ARMH3: variants seen among roughly 807,000 people sequenced by gnomAD.
ARMH3 encodes armadillo-like helical domain-containing protein 3.
In ARMH3, 60 loss-of-function variants were observed where a neutral mutation model predicts 99.1. The ratio of observed to expected loss-of-function variants is 0.61; its 90% CI spans 0.49 to 0.75. The LOEUF is 0.75. ARMH3 is among the 30% of genes least tolerant of loss of function. The pLI, the probability that ARMH3 is intolerant of heterozygous loss-of-function variation, is 0.00. For missense variants in ARMH3, 679 were observed against 843.1 expected, an observed-to-expected ratio of 0.81 and a Z score of 2.41; for synonymous variants, 285 against 292.8, an observed-to-expected ratio of 0.97 and a Z score of 0.27.
intron 24 of ARMH3, among the ~76,000 whole-genome samples, chr10:101,869,482 T>C (rs764504026): frequency 2.6e-5 from 4 of 151,958 alleles, no homozygotes; most frequent in Admixed American, 6.6e-5. Context: ...CCCCAAATAA[T>C]GGAAATGAAA....
rs2066424028 is a variant in ARMH3, at chr10:102,003,827, T to C, written c.1049-1755A>G. Among the ~76,000 whole-genome samples the C allele has an allele frequency of 2.0e-5, 3 of 152,222 alleles. No individual in the cohort carries two copies. In the South Asian group the frequency reaches 6.2e-4, roughly 31 times the overall value. On this transcript the variant is annotated intron_variant, in intron 14 of 25. Transcript: ENST00000370033. Reference sequence around the variant, plus strand: ...GAAATCAGCATGCCCAACCCCTGGCTATTTTCCCAGTTAGGCCTCCAAGAG... The same window carrying C: ...GAAATCAGCATGCCCAACCCCTGGCCATTTTCCCAGTTAGGCCTCCAAGAG...
intron 24 of ARMH3, among the ~76,000 whole-genome samples, chr10:101,864,078 A>AAAC (rs1554849665): frequency 4.7e-5 from 5 of 106,284 alleles, no homozygotes; most frequent in Non-Finnish European, 5.6e-5. Flanking sequence ...AAAAAAAAAA[A>AAAC]ACACACACAC....
At chr10:101,850,582 G>A (rs1447510765) in intron 24 of ARMH3, among the ~76,000 whole-genome samples, 4 of 151,650 alleles carry the variant, frequency 2.6e-5, no homozygotes, top group Non-Finnish European at 5.9e-5. Context: ...GTGCCATCAT[G>A]CCCGGCTAAT....
At chr10:101,869,003 C>T (rs996649620) in intron 24 of ARMH3, among the ~76,000 whole-genome samples, 15 of 148,952 alleles carry the variant, frequency 1.0e-4, no homozygotes, top group Admixed American at 6.1e-4. Flanking sequence ...ACCCGGGAGG[C>T]AGAGGTTGCA....
At chr10:101,898,650 G>C (rs1005377072) in intron 23 of ARMH3, among the ~76,000 whole-genome samples, 2 of 152,208 alleles carry the variant, frequency 1.3e-5, no homozygotes, top group African/African-American at 2.4e-5. Flanking sequence ...TCCAAGGAAG[G>C]AGGAAACATA....
intron 19 of ARMH3, among the ~76,000 whole-genome samples, chr10:101,981,055 G>A (rs1388072384): frequency 6.7e-6 from 1 of 149,836 alleles, no homozygotes; most frequent in Admixed American, 6.7e-5. Context: ...ACTAGGGCCT[G>A]TTGGGGGGTT....
intron 24 of ARMH3, among the ~76,000 whole-genome samples, chr10:101,886,951 G>A (rs1210755849): frequency 1.3e-5 from 2 of 152,078 alleles, no homozygotes; most frequent in Non-Finnish European, 2.9e-5. Context: ...TCTCTACTCA[G>A]TCTGCTGCTA....
At chr10:101,956,565 G>T (rs1405678296) in intron 22 of ARMH3, 32 bp downstream of exon 22, 6 of 1,608,868 alleles carry the variant, frequency 3.7e-6, no homozygotes, top group African/African-American at 1.3e-5. Flanking sequence ...GACAAATGGT[G>T]GAGAGAGGAG....
At chr10:101,937,206 C>G (rs1844020713) in intron 23 of ARMH3, among the ~76,000 whole-genome samples, 1 of 152,112 alleles carries the variant, frequency 6.6e-6, no homozygotes, top group Admixed American at 6.5e-5. Context: ...AAGAGCAGCC[C>G]TGAACTTGGA....
chr10:102,008,849 G>GC (rs2066566863), intron 13 of ARMH3, among the ~76,000 whole-genome samples: 1 of 152,106 alleles, frequency 6.6e-6, no homozygotes, highest in African/African-American at 2.4e-5. Flanking sequence ...ACAGGCGTGA[G>GC]CCACAGCGCA....
chr10:101,868,487 T>C (rs2067058268), intron 24 of ARMH3, among the ~76,000 whole-genome samples: 1 of 152,122 alleles, frequency 6.6e-6, no homozygotes, highest in South Asian at 2.1e-4. Context: ...ATACCAAGTG[T>C]GCCTACTTCT....
At chr10:101,943,361 A>G (rs1844328295) in intron 22 of ARMH3, among the ~76,000 whole-genome samples, 1 of 152,230 alleles carries the variant, frequency 6.6e-6, no homozygotes, top group Non-Finnish European at 1.5e-5. Context: ...TGTTTCCACC[A>G]GCAAGAGTGG....
intron 19 of ARMH3, among the ~76,000 whole-genome samples, chr10:101,987,380 C>T (rs961734069): frequency 5.9e-5 from 9 of 152,142 alleles, no homozygotes; most frequent in Non-Finnish European, 1.3e-4. Flanking sequence ...TGCAACCTTC[C>T]GATATCTTCT....
At chr10:101,995,992 C>G (rs981814035) in intron 15 of ARMH3, among the ~76,000 whole-genome samples, 3 of 152,188 alleles carry the variant, frequency 2.0e-5, no homozygotes, top group African/African-American at 7.2e-5. Context: ...CTGAATAAAA[C>G]AGACAAAGGT....
intron 19 of ARMH3, among the ~76,000 whole-genome samples, chr10:101,976,431 A>G (rs889142097): frequency 6.9e-6 from 1 of 144,678 alleles, no homozygotes; most frequent in Admixed American, 7.0e-5. Flanking sequence ...CACACACGCA[A>G]TCACATACTG....
intron 8 of ARMH3, among the ~76,000 whole-genome samples, chr10:102,022,124 A>C (rs1441283371): frequency 3.3e-5 from 5 of 152,174 alleles, no homozygotes; most frequent in Non-Finnish European, 7.4e-5. Context: ...GTAGTAGGCT[A>C]TACCATCTAA....
chr10:102,030,435 G>A (rs879832679), intron 4 of ARMH3, among the ~76,000 whole-genome samples: 10 of 152,160 alleles, frequency 6.6e-5, no homozygotes, highest in African/African-American at 1.9e-4. Context: ...GGGGCCGGAC[G>A]CAGTGGCTCA....
intron 23 of ARMH3, among the ~76,000 whole-genome samples, chr10:101,919,960 G>C (rs1047501225): frequency 6.6e-6 from 1 of 152,074 alleles, no homozygotes; most frequent in East Asian, 1.9e-4. Context: ...AATTGCCCTT[G>C]TTGGCTCCCT....
chr10:102,027,208 C>A (rs1225494958), intron 5 of ARMH3, among the ~76,000 whole-genome samples: 5 of 146,108 alleles, frequency 3.4e-5, no homozygotes, highest in African/African-American at 1.3e-4. Context: ...GAACCCAGGA[C>A]AGGGAGGTTG....
Sources: allele counts gnomAD v4.1 joint callset (sites outside exome capture counted in the v4.1 genomes callset), GRCh38; gene constraint gnomAD v4.1.1; transcripts MANE v1.5; gene names NCBI Gene and HGNC (gene_info 2026-07-23, HGNC 2026-07-21).